The following LOXL2 variants were observed in gnomAD, a reference collection of about 807,000 sequenced individuals.
The protein encoded by LOXL2 is lysyl oxidase homolog 2.
Under a neutral mutation model 93.0 loss-of-function variants are expected in LOXL2, and 70 were observed. The ratio of observed to expected loss-of-function variants is 0.75; its 90% confidence interval spans 0.62 to 0.92. LOXL2 has a LOEUF of 0.92. Ranked by LOEUF, LOXL2 falls within the 40% of genes least tolerant of loss-of-function variation. The pLI is 0.00. For missense variants in LOXL2, 973 were observed against 1,054.9 expected, an observed-to-expected ratio of 0.92 and a Z score of 1.08; for synonymous variants, 438 against 413.2, an observed-to-expected ratio of 1.06 and a Z score of -0.73.
chr8:23,354,938 T>TAC (rs1230344533), intron 3 of LOXL2, among the ~76,000 whole-genome samples: 1 of 56,114 alleles, frequency 1.8e-5, no homozygotes, highest in East Asian at 4.6e-4. Context: ...TTGGAATATA[T>TAC]ATATATATAT....
At chr8:23,307,581 C>A (rs1246511227) in intron 10 of LOXL2, among the ~76,000 whole-genome samples, 1 of 152,138 alleles carries the variant, frequency 6.6e-6, no homozygotes, top group Admixed American at 6.5e-5. Context: ...GTGTATGGCA[C>A]AGGGAGGTTC....
At chr8:23,375,651 A>C (rs972598197) in intron 1 of LOXL2, among the ~76,000 whole-genome samples, 8 of 152,124 alleles carry the variant, frequency 5.3e-5, no homozygotes, top group Admixed American at 1.3e-4. Context: ...CTCCTTGAAG[A>C]GGTCCTTTAC....
chr8:23,354,925 G>T (rs1804161431), intron 3 of LOXL2, among the ~76,000 whole-genome samples: 1 of 127,718 alleles, frequency 7.8e-6, no homozygotes, highest in African/African-American at 3.0e-5. Flanking sequence ...TTGGCTCTGG[G>T]AGTTGGAATA....
At chr8:23,379,883 T>A (rs1442229989) in intron 1 of LOXL2, among the ~76,000 whole-genome samples, 1 of 152,144 alleles carries the variant, frequency 6.6e-6, no homozygotes, top group Admixed American at 6.5e-5. Context: ...ACCCTTGCGC[T>A]TCCTGGGTGA....
chr8:23,373,398 T>C (rs1804533832), intron 1 of LOXL2, among the ~76,000 whole-genome samples: 1 of 152,170 alleles, frequency 6.6e-6, no homozygotes, highest in Non-Finnish European at 1.5e-5. Flanking sequence ...TGCAGTGGCG[T>C]GATCATAGCT....
intron 10 of LOXL2, among the ~76,000 whole-genome samples, chr8:23,306,375 C>T (rs760926959): frequency 3.9e-5 from 6 of 152,204 alleles, no homozygotes; most frequent in African/African-American, 9.7e-5. Context: ...TGCTCTGCCA[C>T]GGTGGGGGCA....
chr8:23,369,567 A>T (rs12544591), intron 1 of LOXL2, among the ~76,000 whole-genome samples: 47,858 of 152,028 alleles, frequency 0.31, 7,779 homozygotes, highest in East Asian at 0.54. Context: ...AGAGCTGCCC[A>T]TGGAGGGATG....
At chr8:23,318,231 C>T (rs964617210) in intron 8 of LOXL2, among the ~76,000 whole-genome samples, 4 of 151,554 alleles carry the variant, frequency 2.6e-5, no homozygotes, top group Non-Finnish European at 5.9e-5. Flanking sequence ...CCATTCTGAC[C>T]ACAGACTGAC....
At chr8:23,301,296 C>G (rs1052870942) in intron 12 of LOXL2, among the ~76,000 whole-genome samples, 2 of 152,208 alleles carry the variant, frequency 1.3e-5, no homozygotes, top group Non-Finnish European at 2.9e-5. Flanking sequence ...ACTAGGGACA[C>G]AATGCCCCTT....
intron 4 of LOXL2, among the ~76,000 whole-genome samples, chr8:23,338,850 G>A (rs957671447): frequency 1.3e-5 from 2 of 152,178 alleles, no homozygotes; most frequent in Non-Finnish European, 2.9e-5. Context: ...CCTACCCCCG[G>A]GAGAAGAGGA....
At chr8:23,315,325 AG>A (rs1195224773) in intron 9 of LOXL2, among the ~76,000 whole-genome samples, 1 of 152,146 alleles carries the variant, frequency 6.6e-6, no homozygotes, top group African/African-American at 2.4e-5. Context: ...GATATTATGA[AG>A]GGTTGCCTGA....
rs554365218 is a variant in LOXL2, at chr8:23,360,396, TTATTA to T, written c.356-136_356-132del. The stretch of plus-strand genomic sequence containing the variant: ...GGCAGCTGTGTGTGGCCATCCATTT[TTATTA>T]TATTAAGATATTGCACATAACTCTA... On this transcript the variant is annotated intron_variant, in intron 2 of 13. Coordinates refer to ENST00000389131, the MANE Select transcript of LOXL2 (RefSeq NM_002318.3). The T allele has an allele frequency of 4.4e-4, 272 of 621,960 alleles. No homozygotes were observed. In the African/African-American group the frequency reaches 4.4e-3, roughly 10 times the overall value. The allele number at this position is 621,960 out of a possible 1,614,324, so 38.5% of individuals were successfully genotyped here.
intron 3 of LOXL2, among the ~76,000 whole-genome samples, chr8:23,352,312 G>A (rs1343939511): frequency 1.3e-5 from 2 of 152,196 alleles, no homozygotes; most frequent in Non-Finnish European, 2.9e-5. Context: ...TCCTCCTACA[G>A]AGAGAGGCCA....
chr8:23,358,876 C>T (rs1254513549), intron 3 of LOXL2, among the ~76,000 whole-genome samples: 4 of 146,094 alleles, frequency 2.7e-5, no homozygotes, highest in African/African-American at 1.0e-4. Context: ...CAGTCTCGCT[C>T]TGTCACCCAG....
At chr8:23,361,876 A>C (rs963122491) in intron 2 of LOXL2, among the ~76,000 whole-genome samples, 9 of 151,318 alleles carry the variant, frequency 5.9e-5, no homozygotes, top group Admixed American at 3.3e-4. Flanking sequence ...AACAAAAAAA[A>C]CAGAAAATGA....
intron 3 of LOXL2, among the ~76,000 whole-genome samples, chr8:23,350,314 C>T (rs1004040924): frequency 5.9e-5 from 9 of 152,128 alleles, no homozygotes; most frequent in South Asian, 2.1e-4. Flanking sequence ...CACAGTGGCA[C>T]GCACCTGTAA....
chr8:23,360,940 C>G (rs977358729), intron 2 of LOXL2, among the ~76,000 whole-genome samples: 1 of 151,228 alleles, frequency 6.6e-6, no homozygotes, highest in Non-Finnish European at 1.5e-5. Flanking sequence ...CTTGCTCTGT[C>G]GCCAGGCTGG....
At chr8:23,332,433 C>T (rs1585354056) in intron 5 of LOXL2, among the ~76,000 whole-genome samples, 1 of 140,860 alleles carries the variant, frequency 7.1e-6, no homozygotes, top group Non-Finnish European at 1.5e-5. Flanking sequence ...CACAAACACA[C>T]CCCACACACT....
At chr8:23,353,393 T>C (rs4455836) in intron 3 of LOXL2, among the ~76,000 whole-genome samples, 45,203 of 151,998 alleles carry the variant, frequency 0.3, 8,617 homozygotes, top group African/African-American at 0.54. Context: ...TTAAGAAAGT[T>C]TTGAGGATTG....
Sources: gnomAD v4.1 joint callset for allele counts (sites outside exome capture counted in the v4.1 genomes callset) on GRCh38, gnomAD v4.1.1 for gene constraint, MANE v1.5 for transcripts, NCBI Gene and HGNC (gene_info 2026-07-23, HGNC 2026-07-21) for gene names.